The following LINGO2 variants were observed in gnomAD, a reference collection of about 807,000 sequenced individuals.
The protein encoded by LINGO2 is leucine rich repeat and Ig domain containing 2.
A neutral mutation model predicts 30.6 loss-of-function variants in LINGO2; 14 were observed. The ratio of observed to expected loss-of-function variants is 0.46; its 90% CI spans 0.30 to 0.72. LINGO2 has a LOEUF of 0.72. Among genes scored for constraint, LINGO2 ranks in the 30% least tolerant of loss-of-function variants. The probability of loss-of-function intolerance (pLI) is 0.07; values close to 1 mark genes in which losing one functional copy is unlikely to be tolerated. For synonymous variants in LINGO2, 317 were observed against 288.5 expected (o/e 1.10, Z -1.00); for missense variants, 729 against 751.7 (o/e 0.97, Z 0.35).
chr9:28,305,816 GTTCA>G (rs1824327185), intron 3 of LINGO2, among the ~76,000 whole-genome samples: 1 of 151,952 alleles, frequency 6.6e-6, no homozygotes, highest in Non-Finnish European at 1.5e-5. Flanking sequence ...TGAATGTGGC[GTTCA>G]TTCATTCATC....
intron 4 of LINGO2, among the ~76,000 whole-genome samples, chr9:28,273,433 T>C (rs1823011310): frequency 6.6e-6 from 1 of 152,210 alleles, no homozygotes; most frequent in Non-Finnish European, 1.5e-5. Context: ...CTGGAAGCTT[T>C]CACTCAGGGA....
intron 3 of LINGO2, among the ~76,000 whole-genome samples, chr9:28,360,089 TA>T (rs1820381510): frequency 6.6e-6 from 1 of 152,198 alleles, no homozygotes; most frequent in African/African-American, 2.4e-5. Context: ...ATCATGGTTG[TA>T]AAGTACTTAG....
intron 1 of LINGO2, among the ~76,000 whole-genome samples, chr9:28,603,527 C>A (rs116855003): frequency 6.6e-6 from 1 of 151,854 alleles, no homozygotes; most frequent in African/African-American, 2.4e-5. Flanking sequence ...ACCCACCAGA[C>A]CAAGGAGGAA....
intron 4 of LINGO2, among the ~76,000 whole-genome samples, chr9:28,191,567 C>A (rs1819824338): frequency 6.6e-6 from 1 of 152,202 alleles, no homozygotes; most frequent in Non-Finnish European, 1.5e-5. Context: ...CTCTTAACCC[C>A]CTTTCTTCCA....
At chr9:28,058,526 T>A (rs1825034069) in intron 4 of LINGO2, among the ~76,000 whole-genome samples, 1 of 152,188 alleles carries the variant, frequency 6.6e-6, no homozygotes, top group Non-Finnish European at 1.5e-5. Context: ...TTACACTAAA[T>A]AAATGTTATG....
intron 1 of LINGO2, among the ~76,000 whole-genome samples, chr9:28,583,959 A>G (rs1340364665): frequency 1.3e-5 from 2 of 152,036 alleles, no homozygotes; most frequent in Non-Finnish European, 2.9e-5. Flanking sequence ...TGGGCTCTTG[A>G]TAGAAAGGAT....
At chr9:28,958,484 G>A in the LINGO2 span, among the ~76,000 whole-genome samples, 9 of 152,010 alleles carry the variant, frequency 5.9e-5, no homozygotes, top group Non-Finnish European at 1.3e-4. Context: ...CTGAAAAAAG[G>A]GGTGCTGACA....
the LINGO2 span, among the ~76,000 whole-genome samples, chr9:28,747,965 T>C: frequency 6.6e-6 from 1 of 152,044 alleles, no homozygotes; most frequent in East Asian, 1.9e-4. Context: ...AAAATTTCCA[T>C]CCTTCACATG....
intron 1 of LINGO2, among the ~76,000 whole-genome samples, chr9:28,489,960 A>C (rs1296506318): frequency 6.6e-6 from 1 of 151,916 alleles, no homozygotes; most frequent in Admixed American, 6.6e-5. Flanking sequence ...TTTATGTAAT[A>C]AGTAAAGTAT....
chr9:28,089,080 C>A (rs559940760), intron 4 of LINGO2, among the ~76,000 whole-genome samples: 14 of 152,222 alleles, frequency 9.2e-5, no homozygotes, highest in Non-Finnish European at 2.1e-4. Flanking sequence ...CCTTAGAGAC[C>A]TACAAAGAGA....
chr9:29,077,394 T>G, the LINGO2 span, among the ~76,000 whole-genome samples: 1 of 152,034 alleles, frequency 6.6e-6, no homozygotes, highest in East Asian at 1.9e-4. Context: ...TGTCCTGAAT[T>G]TATAGCTATT....
chr9:28,192,765 A>G (rs1054577619), intron 4 of LINGO2, among the ~76,000 whole-genome samples: 3 of 152,166 alleles, frequency 2.0e-5, no homozygotes, highest in East Asian at 1.9e-4. Flanking sequence ...CGAGTGGCCA[A>G]TCTGGGTTCT....
the LINGO2 span, among the ~76,000 whole-genome samples, chr9:28,828,737 G>C: frequency 4.6e-5 from 7 of 152,170 alleles, no homozygotes; most frequent in Admixed American, 2.0e-4. Context: ...ACAGGCAGAA[G>C]TATGGGTCTG....
At chr9:28,261,178 G>A (rs1048131399) in intron 4 of LINGO2, among the ~76,000 whole-genome samples, 6 of 151,814 alleles carry the variant, frequency 4.0e-5, no homozygotes, top group African/African-American at 1.5e-4. Context: ...TTTTAAAATA[G>A]GAATTATGTT....
At chr9:28,309,950 G>A (rs982595831) in intron 3 of LINGO2, among the ~76,000 whole-genome samples, 1 of 151,970 alleles carries the variant, frequency 6.6e-6, no homozygotes, top group Non-Finnish European at 1.5e-5. Context: ...AAAACACCCC[G>A]AGATATTGCC....
chr9:28,483,097 TG>T (rs1169366846), intron 1 of LINGO2, among the ~76,000 whole-genome samples: 1 of 152,074 alleles, frequency 6.6e-6, no homozygotes, highest in African/African-American at 2.4e-5. Context: ...TGCAAGGTAT[TG>T]GAATCCCATT....
At chr9:28,635,874 ACAGG>A in intron 1 of LINGO2, among the ~76,000 whole-genome samples, 1 of 152,182 alleles carries the variant, frequency 6.6e-6, no homozygotes, top group East Asian at 1.9e-4. Flanking sequence ...TGCACAACGT[ACAGG>A]TTTGTTAAAT....
chr9:28,026,374 A>G (rs372213898), intron 4 of LINGO2, among the ~76,000 whole-genome samples: 127 of 152,312 alleles, frequency 8.3e-4, no homozygotes, highest in African/African-American at 2.7e-3. Flanking sequence ...GTTCTCAAAC[A>G]GTTTGAACAT....
intron 1 of LINGO2, among the ~76,000 whole-genome samples, chr9:28,641,837 G>T (rs748310561): frequency 6.6e-6 from 1 of 152,086 alleles, no homozygotes; most frequent in East Asian, 1.9e-4. Context: ...TTTTACCAGC[G>T]TTCCATTAAT....
Sources: gnomAD v4.1 joint callset for allele counts (sites outside exome capture counted in the v4.1 genomes callset) on GRCh38, gnomAD v4.1.1 for gene constraint, MANE v1.5 for transcripts, NCBI Gene and HGNC (gene_info 2026-07-23, HGNC 2026-07-21) for gene names.